Variants in SLC22A23 observed in about 807,000 individuals in gnomAD.
The protein encoded by SLC22A23 is solute carrier family 22 member 23.
In SLC22A23, 26 loss-of-function variants were observed where a neutral mutation model predicts 61.0. The ratio of observed to expected loss-of-function variants is 0.43; its 90% CI spans 0.31 to 0.59. SLC22A23 has a LOEUF of 0.59. Among genes scored for constraint, SLC22A23 ranks in the 20% least tolerant of loss-of-function variants. The pLI is 0.11. For synonymous variants in SLC22A23, 430 were observed against 413.9 expected (o/e 1.04, Z -0.47); for missense variants, 796 against 934.7 (o/e 0.85, Z 1.94).
chr6:3,401,629 C>G (rs1311053694), intron 3 of SLC22A23, among the ~76,000 whole-genome samples: 1 of 152,212 alleles, frequency 6.6e-6, no homozygotes, highest in African/African-American at 2.4e-5. Flanking sequence ...TGTCCTGCAT[C>G]ACTTGACTCT....
At chr6:3,377,750 G>C (rs1176489302) in intron 3 of SLC22A23, 1 of 152,584 alleles carries the variant, frequency 6.6e-6, no homozygotes, top group Non-Finnish European at 1.5e-5. Context: ...GTGGGGAAAC[G>C]AGTGAGGAGA....
At chr6:3,275,850 G>A (rs542033426) in intron 9 of SLC22A23, among the ~76,000 whole-genome samples, 3 of 152,304 alleles carry the variant, frequency 2.0e-5, no homozygotes, top group African/African-American at 7.2e-5. Flanking sequence ...CCAAAGTGTT[G>A]GGATTACAGG....
chr6:3,440,989 C>G (rs1771554311), intron 1 of SLC22A23, among the ~76,000 whole-genome samples: 1 of 152,208 alleles, frequency 6.6e-6, no homozygotes, highest in African/African-American at 2.4e-5. Context: ...ATCAGGCAAG[C>G]CTGACAGCCT....
intron 3 of SLC22A23, among the ~76,000 whole-genome samples, chr6:3,384,583 T>C (rs576918190): frequency 6.6e-6 from 1 of 152,334 alleles, no homozygotes; most frequent in Admixed American, 6.5e-5. Flanking sequence ...TACCAAATAA[T>C]TACCACATTC....
intron 3 of SLC22A23, among the ~76,000 whole-genome samples, chr6:3,404,713 T>A (rs1214632111): frequency 6.6e-6 from 1 of 152,152 alleles, no homozygotes; most frequent in African/African-American, 2.4e-5. Context: ...TATTCTTACT[T>A]ACCCTGCAGT....
At chr6:3,352,621 A>G (rs1168896617) in intron 3 of SLC22A23, among the ~76,000 whole-genome samples, 1 of 152,212 alleles carries the variant, frequency 6.6e-6, no homozygotes, top group Non-Finnish European at 1.5e-5. Context: ...AAAATGAGAA[A>G]CCTGCTACTG....
rs56373817 is a variant in SLC22A23, at chr6:3,298,978, C to CAAAAA, written c.1083-765_1083-761dup. Among the ~76,000 whole-genome samples the CAAAAA allele has an allele frequency of 3.6e-4, 37 of 104,126 alleles. 1 individual carries two copies. Among genetic ancestry groups the CAAAAA allele is most frequent in the East Asian group, 1.7e-3 (6 of 3,434 alleles). 68.3% of individuals were successfully genotyped at this position (104,126 alleles called of 152,430 possible). Reference sequence around the variant, plus strand: ...TGGGCGACAGAGCGAGACTCCGTCTCAAAAAAAAAAAAAAAAAATGTTCCC... The same window carrying CAAAAA: ...TGGGCGACAGAGCGAGACTCCGTCTCAAAAAAAAAAAAAAAAAAAAAAATGTTCCC... On this transcript the variant is annotated intron_variant, in intron 4 of 9. Coordinates refer to ENST00000406686, the MANE Select transcript of SLC22A23 (RefSeq NM_015482.2).
At chr6:3,279,415 G>A (rs371925338) in intron 9 of SLC22A23, among the ~76,000 whole-genome samples, 10 of 145,970 alleles carry the variant, frequency 6.9e-5, no homozygotes, top group African/African-American at 2.5e-4. Context: ...GGAGGCTGAG[G>A]CAGGAGAATC....
intron 3 of SLC22A23, among the ~76,000 whole-genome samples, chr6:3,348,831 C>G (rs931522913): frequency 6.6e-6 from 1 of 152,226 alleles, no homozygotes; most frequent in Non-Finnish European, 1.5e-5. Flanking sequence ...CCCTTCCCAG[C>G]CAACGGACCG....
At chr6:3,364,492 C>T (rs1179646191) in intron 3 of SLC22A23, among the ~76,000 whole-genome samples, 1 of 152,174 alleles carries the variant, frequency 6.6e-6, no homozygotes, top group Non-Finnish European at 1.5e-5. Context: ...AAAGTGAGGT[C>T]ACACCATGTG....
chr6:3,298,024 C>G (rs932672148), intron 5 of SLC22A23, 67 bp downstream of exon 5: 1 of 1,432,754 alleles, frequency 7.0e-7, no homozygotes, highest in African/African-American at 1.5e-5. Context: ...GCAACAAAAC[C>G]AGCCCAGGTG....
At chr6:3,449,817 C>T (rs1348992383) in intron 1 of SLC22A23, among the ~76,000 whole-genome samples, 9 of 152,174 alleles carry the variant, frequency 5.9e-5, no homozygotes, top group African/African-American at 2.2e-4. Context: ...ATTTCTTACA[C>T]GTGTGCAAAT....
intron 1 of SLC22A23, among the ~76,000 whole-genome samples, chr6:3,440,253 T>C (rs1243059936): frequency 6.6e-6 from 1 of 152,158 alleles, no homozygotes; most frequent in Non-Finnish European, 1.5e-5. Context: ...TCTGCTGTCA[T>C]GAGCTGTACT....
intron 3 of SLC22A23, among the ~76,000 whole-genome samples, chr6:3,337,692 G>A (rs1351812711): frequency 6.6e-6 from 1 of 152,172 alleles, no homozygotes; most frequent in Non-Finnish European, 1.5e-5. Context: ...GGACAGCCTG[G>A]TGTGGCGACA....
Position 3,454,107 on chromosome 6 carries a change from G to A in SLC22A23, c.654+1799C>T, listed in dbSNP as rs1212722431. ...TAGGCTTTACTGTATAAGAAAATGT[G>A]TGTCTAATTATTGTTCCCAGGTTTC... On this transcript the variant is annotated intron_variant, in intron 1 of 9. Transcript: ENST00000406686. This position sits in a 1 kb window ranked among gnomAD's most constrained non-coding sequence, Gnocchi z 4.3. Among the ~76,000 whole-genome samples the A allele has an allele frequency of 6.6e-6, 1 of 152,146 alleles. No homozygotes were observed. Among genetic ancestry groups the A allele is most frequent in the Non-Finnish European group, 1.5e-5 (1 of 68,032 alleles).
rs1763183833 is a variant in SLC22A23, at chr6:3,324,824, CCT to C, written c.914-824_914-823del. 6.6e-6 allele frequency among the ~76,000 whole-genome samples: 1 copy of C among 152,228 alleles called. No individual in the cohort carries two copies. Among genetic ancestry groups the C allele is most frequent in the South Asian group, 2.1e-4 (1 of 4,822 alleles). On this transcript the variant is annotated intron_variant, in intron 3 of 9. Transcript: ENST00000406686. This position sits in a 1 kb window ranked among gnomAD's most constrained non-coding sequence, Gnocchi z 4.3. ...CTATTTTCAACAAATGACCACGGCCCCTCTTATTTGCAAGAATCTATTCTTTT... is the reference window on the plus strand; with the variant it reads ...CTATTTTCAACAAATGACCACGGCCCCTTATTTGCAAGAATCTATTCTTTT...
intron 3 of SLC22A23, among the ~76,000 whole-genome samples, chr6:3,379,371 G>A (rs1483896588): frequency 6.6e-6 from 1 of 152,114 alleles, no homozygotes; most frequent in African/African-American, 2.4e-5. Context: ...ACCACCTAAT[G>A]CTCCCTGATA....
Position 3,309,163 on chromosome 6 carries a change from TG to T in SLC22A23, c.1083-10946del. 6.6e-6 allele frequency among the ~76,000 whole-genome samples: 1 copy of T among 152,082 alleles called. No individual in the cohort carries two copies. Among genetic ancestry groups the T allele is most frequent in the African/African-American group, 2.4e-5 (1 of 41,480 alleles). Reference sequence around the variant, plus strand: ...TAAAAACGCAAAAATTAGCCAAGCATGGTGGCGGCTGCCTATAATCCCAGCT... The same window carrying T: ...TAAAAACGCAAAAATTAGCCAAGCATGTGGCGGCTGCCTATAATCCCAGCT... On this transcript the variant is annotated intron_variant, in intron 4 of 9. Coordinates refer to ENST00000406686, the MANE Select transcript of SLC22A23 (RefSeq NM_015482.2). The surrounding 1 kb of genome is among the most constrained non-coding windows in gnomAD (Gnocchi z 4.7).
rs982044186 is a variant in SLC22A23 at position 3,414,957 on chromosome 6, G to C, written c.758+795C>G. ...CAGGCTCTGAGGCCACGTGGTGGCT[G>C]AGTTTCAAGTTCTGGCTCTCCAGCT... On this transcript the variant is annotated intron_variant, in intron 2 of 9. Coordinates refer to ENST00000406686, the MANE Select transcript of SLC22A23 (RefSeq NM_015482.2). This position sits in a 1 kb window ranked among gnomAD's most constrained non-coding sequence, Gnocchi z 5.1. 2.6e-5 allele frequency among the ~76,000 whole-genome samples: 4 copies of C among 152,180 alleles called. No homozygotes were observed. Among genetic ancestry groups the C allele is most frequent in the Non-Finnish European group, 5.9e-5 (4 of 68,040 alleles).
Sources: gnomAD v4.1 joint callset for allele counts (sites outside exome capture counted in the v4.1 genomes callset) on GRCh38, gnomAD v4.1.1 for gene constraint, Gnocchi (gnomAD v3.1) non-coding constraint, MANE v1.5 for transcripts, NCBI Gene and HGNC (gene_info 2026-07-23, HGNC 2026-07-21) for gene names.